CACNA1B: variants seen among roughly 807,000 people sequenced by gnomAD.
CACNA1B encodes the protein voltage-dependent N-type calcium channel subunit alpha-1B.
A neutral mutation model predicts 247.2 loss-of-function variants in CACNA1B; 70 were observed. The observed-to-expected ratio is 0.28, with a 90% confidence interval of 0.23 to 0.35. The LOEUF (loss-of-function observed/expected upper bound fraction) is 0.35. Ranked by LOEUF, CACNA1B falls within the 10% of genes least tolerant of loss-of-function variation. CACNA1B has a pLI of 1.00. For missense variants in CACNA1B, 2,367 were observed against 3,197.4 expected (o/e 0.74, Z 6.26); for synonymous variants, 1,231 against 1,294.4 (o/e 0.95, Z 1.05).
intron 36 of CACNA1B, among the ~76,000 whole-genome samples, chr9:138,084,879 G>A (rs1160818173): frequency 6.7e-6 from 1 of 150,274 alleles, no homozygotes; most frequent in African/African-American, 2.5e-5. Context: ...ATGAACCTGG[G>A]AGGCGGAGCT....
At chr9:137,915,998 T>TA (rs1224179043) in intron 5 of CACNA1B, among the ~76,000 whole-genome samples, 5 of 151,958 alleles carry the variant, frequency 3.3e-5, no homozygotes, top group African/African-American at 1.2e-4. Context: ...ATTTCTCCTA[T>TA]GTTGATAGAT....
At position 137,986,605 on chromosome 9, in the gene CACNA1B, G is replaced by A. The variant is rs565584019; in HGVS notation, c.1901+61G>A. ...GGCTTGCAGGGAAGCAGAGCTCAGA[G>A]CAGACGGTGCCGCCCAGGCTGCCTC... is the stretch of plus-strand genomic sequence containing the variant. On this transcript the variant is annotated intron_variant, in intron 14 of 46. Coordinates refer to ENST00000371372, the MANE Select transcript of CACNA1B (RefSeq NM_000718.4). This position sits in a 1 kb window ranked among gnomAD's most constrained non-coding sequence, Gnocchi z 6.0. 1,463 of 1,595,824 alleles carry A rather than the reference G, an allele frequency of 9.2e-4. 31 individuals are homozygous for A. The South Asian group carries it at 0.015, about 17-fold the overall frequency.
rs754816792 is a variant in CACNA1B, at chr9:138,023,228, C to T, written c.2485C>T (p.Pro829Ser). 1 of 1,511,482 alleles carries T rather than the reference C, an allele frequency of 6.6e-7. No individual in the cohort carries two copies. The highest frequency in any genetic ancestry group is 8.8e-7 in the Non-Finnish European group (1 of 1,138,476). The allele number at this position is 1,511,482 out of a possible 1,614,324, so 93.6% of individuals were successfully genotyped here. A position where few individuals can be genotyped will look rare whatever the true frequency, so the allele number is the denominator to read the frequency against. Residue 829 changes from proline to serine, a missense_variant, in exon 19 of 47, where the codon CCC becomes TCC. Physicochemically the swap from Pro to Ser is moderately conservative, Grantham distance 74 (BLOSUM62 -1). Transcript: ENST00000371372. Reference protein sequence around the residue: ...VELGRDGARGPVGGKARPEAA... With the variant: ...VELGRDGARGSVGGKARPEAA... ...GCTGGGCCGCGACGGCGCGCGGGGG[C>T]CCGTGGGAGGCAAAGCCCGACCTGA...
At chr9:138,115,804 C>T (rs1589137154) in intron 42 of CACNA1B, 125 bp downstream of exon 42, 1 of 991,848 alleles carries the variant, frequency 1.0e-6, no homozygotes, top group East Asian at 2.6e-5. Context: ...GGTTCACCAG[C>T]TTGGAGGCAC....
chr9:137,991,315 A>G (rs532931677), intron 15 of CACNA1B, among the ~76,000 whole-genome samples: 22 of 152,334 alleles, frequency 1.4e-4, no homozygotes, highest in Non-Finnish European at 2.2e-4. Flanking sequence ...AGAATCGAAC[A>G]AGCTGAAGAA....
At chr9:138,074,813 A>G (rs1343099834) in intron 34 of CACNA1B, among the ~76,000 whole-genome samples, 1 of 152,218 alleles carries the variant, frequency 6.6e-6, no homozygotes, top group Non-Finnish European at 1.5e-5. Flanking sequence ...TGGCTTGCAC[A>G]GTGGCGGTCG....
rs1054915439 is a variant in CACNA1B at position 138,051,877 on chromosome 9, C to T, written c.3711-215C>T. On this transcript the variant is annotated intron_variant, in intron 24 of 46. Coordinates refer to ENST00000371372, the MANE Select transcript of CACNA1B (RefSeq NM_000718.4). The surrounding 1 kb of genome is among the most constrained non-coding windows in gnomAD (Gnocchi z 4.3). Reference sequence around the variant, plus strand: ...GATGCTGCTGCCCTAGCCCCAGCTCCTGTCCTTAGATGAGGCCCGGGCCAG... The same window carrying T: ...GATGCTGCTGCCCTAGCCCCAGCTCTTGTCCTTAGATGAGGCCCGGGCCAG... 2.0e-5 allele frequency among the ~76,000 whole-genome samples: 3 copies of T among 152,162 alleles called. No individual in the cohort carries two copies. Among genetic ancestry groups the T allele is most frequent in the South Asian group, 2.1e-4 (1 of 4,830 alleles).
chr9:137,906,998 C>A lies in CACNA1B; in HGVS notation c.531-6182C>A, dbSNP rs372916738. Among the ~76,000 whole-genome samples, 29 of 152,344 alleles carry A rather than the reference C, an allele frequency of 1.9e-4. 1 individual carries two copies. The highest frequency in any genetic ancestry group is 9.6e-4 in the East Asian group (5 of 5,186). Reference sequence around the variant, plus strand: ...TACAGTCCCCCAGTCAGATTCTCTTCTCTTTCTCTTTTTCTCCCTGTGGGA... The same window carrying A: ...TACAGTCCCCCAGTCAGATTCTCTTATCTTTCTCTTTTTCTCCCTGTGGGA... On this transcript the variant is annotated intron_variant, in intron 3 of 46. Coordinates refer to ENST00000371372, the MANE Select transcript of CACNA1B (RefSeq NM_000718.4).
intron 6 of CACNA1B, among the ~76,000 whole-genome samples, chr9:137,918,165 G>A (rs913396103): frequency 6.6e-6 from 1 of 152,116 alleles, no homozygotes; most frequent in Non-Finnish European, 1.5e-5. Flanking sequence ...TGCAGTTTAC[G>A]GCAGCCTGGA....
chr9:137,902,239 C>A (rs1048894181), intron 3 of CACNA1B, among the ~76,000 whole-genome samples: 1 of 152,130 alleles, frequency 6.6e-6, no homozygotes, highest in Non-Finnish European at 1.5e-5. Context: ...GTGCACACTG[C>A]CTACCAGGTA....
chr9:138,011,650 G>C lies in CACNA1B; in HGVS notation c.2161-1479G>C, dbSNP rs543711934. On this transcript the variant is annotated intron_variant, in intron 17 of 46. Coordinates refer to ENST00000371372, the MANE Select transcript of CACNA1B (RefSeq NM_000718.4). This position sits in a 1 kb window ranked among gnomAD's most constrained non-coding sequence, Gnocchi z 4.2. ...ACTGGCAAAGTCCCTGCCCCAGAGG[G>C]TGGGAAGCTGGATGCAGCCGGATCT... is the stretch of plus-strand genomic sequence containing the variant. 6.6e-6 allele frequency among the ~76,000 whole-genome samples: 1 copy of C among 152,334 alleles called. No homozygotes were observed. The highest frequency in any genetic ancestry group is 1.9e-4 in the East Asian group (1 of 5,176).
chr9:138,006,042 CAAAAAAAAA>C (rs11288171), intron 15 of CACNA1B, among the ~76,000 whole-genome samples: 684 of 67,810 alleles, frequency 0.01, 2 homozygotes, highest in Non-Finnish European at 0.016. Context: ...GACTCCATGT[CAAAAAAAAA>C]AAAAAAAAAA....
chr9:137,921,684 C>T (rs1291455438), intron 6 of CACNA1B, among the ~76,000 whole-genome samples: 6 of 137,098 alleles, frequency 4.4e-5, no homozygotes, highest in East Asian at 2.2e-4. Context: ...CAGAGTAAAG[C>T]GTTCGGAGAA....
At position 138,100,034 on chromosome 9, in the gene CACNA1B, C is replaced by A. The variant is rs532624188; in HGVS notation, c.5223-2677C>A. Among the ~76,000 whole-genome samples the A allele has an allele frequency of 1.8e-4, 27 of 152,380 alleles. No homozygotes were observed. The highest frequency in any genetic ancestry group is 3.3e-4 in the Admixed American group (5 of 15,306). Reference sequence around the variant, plus strand: ...GCTTGGCAGTGAGACCACATGGTGACTGTAGCTCAAGGCCAGGGCATTTCT... The same window carrying A: ...GCTTGGCAGTGAGACCACATGGTGAATGTAGCTCAAGGCCAGGGCATTTCT... On this transcript the variant is annotated intron_variant, in intron 37 of 46. Coordinates refer to ENST00000371372, the MANE Select transcript of CACNA1B (RefSeq NM_000718.4). The surrounding 1 kb of genome is among the most constrained non-coding windows in gnomAD (Gnocchi z 4.6).
At chr9:137,918,911 G>A (rs1957447133) in intron 6 of CACNA1B, among the ~76,000 whole-genome samples, 1 of 152,222 alleles carries the variant, frequency 6.6e-6, no homozygotes, top group Non-Finnish European at 1.5e-5. Flanking sequence ...ACAGGACAAA[G>A]CCGGTGATGA....
chr9:137,984,091 A>ACAGGT (rs1414010135), intron 12 of CACNA1B, 47 bp from the exon 13 acceptor site: 1 of 1,347,632 alleles, frequency 7.4e-7, no homozygotes, highest in Non-Finnish European at 1.0e-6. Flanking sequence ...ATCTGCATGC[A>ACAGGT]CAGGTGCAGA....
intron 12 of CACNA1B, among the ~76,000 whole-genome samples, chr9:137,976,668 G>A (rs1456215777): frequency 6.7e-6 from 1 of 149,260 alleles, no homozygotes; most frequent in Non-Finnish European, 1.5e-5. Flanking sequence ...GAGCACAGAG[G>A]GCAGGGCAGG....
chr9:138,049,940 A>T (rs1202224964), intron 24 of CACNA1B: 7 of 499,026 alleles, frequency 1.4e-5, no homozygotes, highest in Admixed American at 1.2e-4. Context: ...TTGTGGGGTG[A>T]GATCCAGAGA....
intron 21 of CACNA1B, among the ~76,000 whole-genome samples, chr9:138,045,383 CAG>C (rs1234949145): frequency 6.6e-6 from 1 of 151,986 alleles, no homozygotes; most frequent in Non-Finnish European, 1.5e-5. Flanking sequence ...GGGTTTCAGG[CAG>C]AGAGAGTGGT....
Sources: gnomAD v4.1 joint callset for allele counts (sites outside exome capture counted in the v4.1 genomes callset) on GRCh38, gnomAD v4.1.1 for gene constraint, Gnocchi (gnomAD v3.1) non-coding constraint, MANE v1.5 for transcripts, NCBI Gene and HGNC (gene_info 2026-07-23, HGNC 2026-07-21) for gene names.